Variants in TMCC3 observed in about 807,000 individuals in gnomAD.
The protein encoded by TMCC3 is transmembrane and coiled-coil domain family 3, also known as transmembrane and coiled-coil domain protein 3.
In TMCC3, 28 loss-of-function variants were observed where a neutral mutation model predicts 40.2. The ratio of observed to expected loss-of-function variants is 0.70; its 90% CI spans 0.52 to 0.95. The LOEUF (loss-of-function observed/expected upper bound fraction) is 0.95. Ranked by LOEUF, TMCC3 falls within the 40% of genes least tolerant of loss-of-function variation. The pLI is 0.00. For missense variants in TMCC3, 554 were observed against 615.2 expected (o/e 0.90, Z 1.05); for synonymous variants, 255 against 248.5 (o/e 1.03, Z -0.25).
At chr12:94,648,594 G>A (rs1013802857) in intron 1 of TMCC3, among the ~76,000 whole-genome samples, 15 of 152,184 alleles carry the variant, frequency 9.9e-5, no homozygotes, top group South Asian at 2.1e-4. Flanking sequence ...AAAGACTGGC[G>A]TAGACAGGCA....
chr12:94,604,803 C>CAA (rs11400128), intron 1 of TMCC3, among the ~76,000 whole-genome samples: 18,207 of 53,038 alleles, frequency 0.34, 4,233 homozygotes, highest in Middle Eastern at 0.4. Flanking sequence ...GACTTCATCT[C>CAA]AAAAAAAAAA....
At position 94,582,052 on chromosome 12, in the gene TMCC3, G is replaced by T. The variant is rs757508441; in HGVS notation, c.565C>A (p.Pro189Thr). The T allele has an allele frequency of 6.2e-7, 1 of 1,614,178 alleles. No individual in the cohort carries two copies. The highest frequency in any genetic ancestry group is 8.5e-7 in the Non-Finnish European group (1 of 1,180,042). The change falls in exon 2 of 4, where the codon CCA becomes ACA. Residue 189 changes from proline to threonine, a missense_variant. Transcript: ENST00000261226. The stretch of plus-strand genomic sequence containing the variant: ...ACAGGTGGAGTAAGTGAGACCCCTG[G>T]CATGCCCGATTTGCTGCTCTCCATG... The part of the protein sequence containing the change: ...HCMESSKSGM[P>T]GVSLTPPVFV...
chr12:94,621,775 G>A (rs1484086881), intron 1 of TMCC3, among the ~76,000 whole-genome samples: 1 of 152,152 alleles, frequency 6.6e-6, no homozygotes, highest in Non-Finnish European at 1.5e-5. Context: ...AATACTGCTT[G>A]TTATATTATG....
At position 94,577,894 on chromosome 12, in the gene TMCC3, C is replaced by T. The variant is rs541045069; in HGVS notation, c.1131+500G>A. Among the ~76,000 whole-genome samples the T allele has an allele frequency of 2.0e-5, 3 of 151,902 alleles. No individual in the cohort carries two copies. The South Asian group carries it at 6.2e-4, about 32-fold the overall frequency. ...AGGCACGGTGGCTCACACCTGTAAT[C>T]CCAGCACTTTGGGAGGCTAAGGTGG... On this transcript the variant is annotated intron_variant, in intron 3 of 3. Transcript: ENST00000261226.
chr12:94,644,465 A>G, intron 1 of TMCC3: 2 of 984,950 alleles, frequency 2.0e-6, no homozygotes, highest in Non-Finnish European at 2.4e-6. Context: ...ACTTGGTAGC[A>G]GCTGTCTTGG....
chr12:94,582,138 A>C lies in TMCC3; in HGVS notation c.479T>G (p.Leu160Arg). Reference protein sequence around the residue: ...RSSKDISKDHLKDIHRSLKDA... With the variant: ...RSSKDISKDHRKDIHRSLKDA... ...TTTCAAAGAGCGATGTATATCCTTC[A>C]GGTGGTCTTTGGAAATGTCCTTTGA... Residue 160 changes from leucine to arginine, a missense_variant, in exon 2 of 4, where the codon CTG becomes CGG. Coordinates refer to ENST00000261226, the MANE Select transcript of TMCC3 (RefSeq NM_020698.4). 1 of 1,614,168 alleles carries C rather than the reference A, an allele frequency of 6.2e-7. No individual in the cohort carries two copies. The highest frequency in any genetic ancestry group is 8.5e-7 in the Non-Finnish European group (1 of 1,180,036).
At chr12:94,592,611 TAAGCCAAGATTGC>T (rs2068684213) in intron 1 of TMCC3, among the ~76,000 whole-genome samples, 1 of 70,822 alleles carries the variant, frequency 1.4e-5, no homozygotes, top group African/African-American at 6.0e-5. Context: ...GCCGCTGCAG[TAAGCCAAGATTGC>T]GCCACTGCAT....
chr12:94,596,198 G>C (rs993811095), intron 1 of TMCC3, among the ~76,000 whole-genome samples: 2 of 152,188 alleles, frequency 1.3e-5, no homozygotes, highest in African/African-American at 4.8e-5. Context: ...CTAGGGTAAG[G>C]CTGGACCTTT....
Position 94,582,686 on chromosome 12 carries a change from T to C in TMCC3, c.79-148A>G, listed in dbSNP as rs939952436. 5 of 703,360 alleles carry C rather than the reference T, an allele frequency of 7.1e-6. No homozygotes were observed. The African/African-American group carries it at 7.2e-5, about 10-fold the overall frequency. The allele number at this position is 703,360 out of a possible 1,614,324, so 43.6% of individuals were successfully genotyped here. On this transcript the variant is annotated intron_variant, in intron 1 of 3. Transcript: ENST00000261226. ...GGGATAAAATCCCCCTGCTGTCCCC[T>C]CCAGTTGAACATAGAGGCAGCCTGG...
chr12:94,606,619 G>C (rs760302047), intron 1 of TMCC3, among the ~76,000 whole-genome samples: 3 of 152,072 alleles, frequency 2.0e-5, no homozygotes, highest in Non-Finnish European at 4.4e-5. Flanking sequence ...GTGTCAGCCG[G>C]TCTGAGAAAT....
intron 3 of TMCC3, among the ~76,000 whole-genome samples, chr12:94,572,549 G>C (rs553467059): frequency 8.4e-4 from 128 of 151,984 alleles, no homozygotes; most frequent in Non-Finnish European, 1.5e-3. Flanking sequence ...GACCTCAAGT[G>C]ATCTGCCTGC....
intron 1 of TMCC3, among the ~76,000 whole-genome samples, chr12:94,605,608 T>C (rs1321174615): frequency 6.6e-6 from 1 of 152,202 alleles, no homozygotes; most frequent in Admixed American, 6.5e-5. Flanking sequence ...GCCTCATAAA[T>C]ACACAATTCA....
chr12:94,598,534 T>C (rs1566322834), intron 1 of TMCC3: 1 of 972,704 alleles, frequency 1.0e-6, no homozygotes, highest in Non-Finnish European at 1.2e-6. Flanking sequence ...GGAGAAGAAA[T>C]GACCTTAAAT....
Position 94,650,482 on chromosome 12 carries a change from A to G in TMCC3, c.-52T>C. 1 of 1,224,928 alleles carries G rather than the reference A, an allele frequency of 8.2e-7. No individual in the cohort carries two copies. Among genetic ancestry groups the G allele is most frequent in the Non-Finnish European group, 1.0e-6 (1 of 977,412 alleles). The allele number at this position is 1,224,928 out of a possible 1,614,324, so 75.9% of individuals were successfully genotyped here. A position where few individuals can be genotyped will look rare whatever the true frequency, so the allele number is the denominator to read the frequency against. On this transcript the variant is annotated 5_prime_UTR_variant, in exon 1 of 4. Coordinates refer to ENST00000261226, the MANE Select transcript of TMCC3 (RefSeq NM_020698.4). ...CGTCTTCTGGGGCTGCCGCGCCGCG[A>G]GCCACCGGCTGTGCTCGGGATCACC...
chr12:94,612,686 CCTT>C (rs1344586390), intron 1 of TMCC3, among the ~76,000 whole-genome samples: 3 of 152,140 alleles, frequency 2.0e-5, no homozygotes, highest in African/African-American at 7.2e-5. Context: ...AATGTTATCT[CCTT>C]AAGGTTAAAG....
chr12:94,593,031 TAATAAA>T (rs1328892216), intron 1 of TMCC3, among the ~76,000 whole-genome samples: 3 of 151,628 alleles, frequency 2.0e-5, no homozygotes, highest in Non-Finnish European at 4.4e-5. Context: ...ACCCCGTCTC[TAATAAA>T]AATAGAAAAA....
At chr12:94,614,110 A>C (rs987723305) in intron 1 of TMCC3, among the ~76,000 whole-genome samples, 8 of 151,654 alleles carry the variant, frequency 5.3e-5, no homozygotes, top group South Asian at 4.2e-4. Flanking sequence ...AAAAAAAAAA[A>C]AAAAAACTAT....
chr12:94,582,965 C>CTTTTT (rs753900771), intron 1 of TMCC3, among the ~76,000 whole-genome samples: 33 of 59,942 alleles, frequency 5.5e-4, no homozygotes, highest in Non-Finnish European at 8.5e-4. Context: ...GAAGGAGAAT[C>CTTTTT]TTTTTTTTTT....
intron 1 of TMCC3, among the ~76,000 whole-genome samples, chr12:94,598,180 G>C (rs2068729711): frequency 6.6e-6 from 1 of 152,156 alleles, no homozygotes; most frequent in Non-Finnish European, 1.5e-5. Flanking sequence ...TCTCAGAAAA[G>C]TGACTTACTA....
Sources: allele counts gnomAD v4.1 joint callset (sites outside exome capture counted in the v4.1 genomes callset), GRCh38; gene constraint gnomAD v4.1.1; transcripts MANE v1.5; gene names NCBI Gene and HGNC (gene_info 2026-07-23, HGNC 2026-07-21).